UBE2L3: variants seen among roughly 807,000 people sequenced by gnomAD.
UBE2L3 encodes the protein ubiquitin conjugating enzyme E2 L3, also known as ubiquitin-conjugating enzyme E2 L3.
A neutral mutation model predicts 17.8 loss-of-function variants in UBE2L3; 1 was observed. The ratio of observed to expected loss-of-function variants is 0.06; its 90% CI spans 0.02 to 0.27. The LOEUF is 0.27. Among genes scored for constraint, UBE2L3 ranks in the 10% least tolerant of loss-of-function variants. The pLI is 1.00. For missense variants in UBE2L3, 40 were observed against 192.6 expected (o/e 0.21, Z 4.69); for synonymous variants, 44 against 68.5 (o/e 0.64, Z 1.76).
chr22:21,587,016 G>A (rs1324763127), intron 1 of UBE2L3, among the ~76,000 whole-genome samples: 2 of 151,286 alleles, frequency 1.3e-5, no homozygotes, highest in Non-Finnish European at 2.9e-5. Context: ...CTCCCGAGTA[G>A]CTGGAACTAC....
intron 1 of UBE2L3, among the ~76,000 whole-genome samples, chr22:21,590,121 A>G (rs1273140829): frequency 1.3e-5 from 2 of 152,112 alleles, no homozygotes; most frequent in African/African-American, 4.8e-5. Context: ...CTCATGTTAC[A>G]GTTGAGTTCC....
intron 2 of UBE2L3, among the ~76,000 whole-genome samples, chr22:21,597,109 G>T (rs1470676067): frequency 6.6e-6 from 1 of 151,890 alleles, no homozygotes; most frequent in Non-Finnish European, 1.5e-5. Flanking sequence ...CTCCCGAGTA[G>T]CTGGGACTAT....
intron 3 of UBE2L3, among the ~76,000 whole-genome samples, chr22:21,613,851 C>T (rs1391543978): frequency 6.6e-6 from 1 of 152,202 alleles, no homozygotes; most frequent in Non-Finnish European, 1.5e-5. Context: ...TTTGTGTTCT[C>T]TTATTTTCCA....
intron 1 of UBE2L3, among the ~76,000 whole-genome samples, chr22:21,577,928 G>GTGA (rs1367405066): frequency 6.6e-6 from 1 of 152,190 alleles, no homozygotes; most frequent in Non-Finnish European, 1.5e-5. Flanking sequence ...CAGGGCTCAT[G>GTGA]TGATGCTCCA....
chr22:21,568,511 C>T, intron 1 of UBE2L3: 1 of 869,276 alleles, frequency 1.2e-6, no homozygotes, highest in African/African-American at 1.8e-5. Flanking sequence ...CGGTTGATTT[C>T]AGTCGTTCGA....
At chr22:21,552,775 A>G (rs1601377436) in intron 1 of UBE2L3, among the ~76,000 whole-genome samples, 1 of 36,946 alleles carries the variant, frequency 2.7e-5, no homozygotes, top group Admixed American at 2.8e-4. Context: ...CCAGGCTGGA[A>G]TGCAGTGGCG....
At chr22:21,598,155 T>C (rs1928653566) in intron 2 of UBE2L3, among the ~76,000 whole-genome samples, 1 of 136,286 alleles carries the variant, frequency 7.3e-6, no homozygotes, top group Non-Finnish European at 1.6e-5. Context: ...TAGCTAAAGT[T>C]TTTTCAATTT....
chr22:21,584,471 G>A lies in UBE2L3; in HGVS notation c.28-8390G>A, dbSNP rs543104940. On this transcript the variant is annotated intron_variant, in intron 1 of 3. Transcript: ENST00000342192. ...ATTACAGGCGTGAGCCACCACACCCGGCCTCGGCCTAAATTTTAAATTTTA... is the reference window on the plus strand; with the variant it reads ...ATTACAGGCGTGAGCCACCACACCCAGCCTCGGCCTAAATTTTAAATTTTA... 2.0e-5 allele frequency among the ~76,000 whole-genome samples: 3 copies of A among 151,756 alleles called. No individual in the cohort carries two copies. In the East Asian group the frequency reaches 5.8e-4, roughly 29 times the overall value.
intron 3 of UBE2L3, among the ~76,000 whole-genome samples, chr22:21,619,974 G>A (rs1429885873): frequency 3.9e-5 from 6 of 152,292 alleles, no homozygotes; most frequent in East Asian, 1.9e-4. Context: ...TTCTTGTAAT[G>A]CTGAATGAAC....
chr22:21,569,395 CAAAAAAA>C (rs541227444), intron 1 of UBE2L3, among the ~76,000 whole-genome samples: 12 of 86,206 alleles, frequency 1.4e-4, no homozygotes, highest in Non-Finnish European at 2.9e-4. Flanking sequence ...GACTCCATGT[CAAAAAAA>C]AAAAAAAAAA....
At chr22:21,564,963 G>A (rs1309842666), upstream of UBE2L3, among the ~76,000 whole-genome samples, 4 of 152,084 alleles carry the variant, frequency 2.6e-5, no homozygotes, top group African/African-American at 9.7e-5. Flanking sequence ...TACTGGCCTT[G>A]GGGGAGGTAA....
chr22:21,572,438 A>AG (rs1020031968), intron 1 of UBE2L3, among the ~76,000 whole-genome samples: 39 of 150,312 alleles, frequency 2.6e-4, no homozygotes, highest in South Asian at 6.3e-4. Flanking sequence ...AAAAAAAAAA[A>AG]AAAGAAAACC....
chr22:21,619,215 G>T (rs1190735071), intron 3 of UBE2L3, among the ~76,000 whole-genome samples: 1 of 152,134 alleles, frequency 6.6e-6, no homozygotes, highest in Non-Finnish European at 1.5e-5. Context: ...TCAGCCAAGG[G>T]TGGGCTTCGT....
At chr22:21,570,516 G>C (rs931150637) in intron 1 of UBE2L3, among the ~76,000 whole-genome samples, 1 of 152,200 alleles carries the variant, frequency 6.6e-6, no homozygotes, top group Non-Finnish European at 1.5e-5. Flanking sequence ...GGAGAGAGAA[G>C]ACGCTGACTC....
At chr22:21,593,403 C>T (rs1423985748) in intron 2 of UBE2L3, among the ~76,000 whole-genome samples, 1 of 152,156 alleles carries the variant, frequency 6.6e-6, no homozygotes, top group African/African-American at 2.4e-5. Context: ...TCCCCTCCAA[C>T]CTGTGCCTTC....
rs533123492 is a variant in UBE2L3 at position 21,616,205 on chromosome 22, T to C, written c.310+5162T>C. On this transcript the variant is annotated intron_variant, in intron 3 of 3. Transcript: ENST00000342192. The stretch of plus-strand genomic sequence containing the variant: ...TAATTCAATGTTCATGGCAAGTTTA[T>C]AGAACATAAGCACTACAGATAAAAT... 6.7e-4 allele frequency among the ~76,000 whole-genome samples: 102 copies of C among 152,334 alleles called. 1 individual carries two copies. Among genetic ancestry groups the C allele is most frequent in the Non-Finnish European group, 1.2e-3 (84 of 68,032 alleles).
chr22:21,617,713 A>AT (rs907408927), intron 3 of UBE2L3, among the ~76,000 whole-genome samples: 1 of 152,184 alleles, frequency 6.6e-6, no homozygotes, highest in African/African-American at 2.4e-5. Flanking sequence ...AAAAATGTTG[A>AT]TAGAGGGCCA....
At chr22:21,566,313 G>T (rs1177462369), upstream of UBE2L3, among the ~76,000 whole-genome samples, 8 of 152,058 alleles carry the variant, frequency 5.3e-5, no homozygotes, top group Admixed American at 5.2e-4. Context: ...CCCAGGTGTG[G>T]TGGCTCATGC....
intron 1 of UBE2L3, among the ~76,000 whole-genome samples, chr22:21,579,103 G>A (rs182443212): frequency 3.3e-5 from 5 of 152,028 alleles, no homozygotes; most frequent in Admixed American, 1.3e-4. Context: ...CAATTCTCCT[G>A]CCTCAGCCTC....
Sources: gnomAD v4.1 joint callset for allele counts (sites outside exome capture counted in the v4.1 genomes callset) on GRCh38, gnomAD v4.1.1 for gene constraint, MANE v1.5 for transcripts, NCBI Gene and HGNC (gene_info 2026-07-23, HGNC 2026-07-21) for gene names.